The following ABTB2 variants were observed in gnomAD, a reference collection of about 807,000 sequenced individuals.
ABTB2 encodes ankyrin repeat and BTB domain containing 2, also known as ankyrin repeat and BTB/POZ domain-containing protein 2.
In ABTB2, 56 loss-of-function variants were observed where a neutral mutation model predicts 104.1. The observed-to-expected ratio is 0.54, with a 90% CI of 0.43 to 0.67. ABTB2 has a LOEUF of 0.67. Ranked by LOEUF, ABTB2 falls within the 30% of genes least tolerant of loss-of-function variation. The probability of loss-of-function intolerance (pLI) is 0.00; values close to 1 mark genes in which losing one functional copy is unlikely to be tolerated. For missense variants in ABTB2, 1,279 were observed against 1,407.7 expected, an observed-to-expected ratio of 0.91 and a Z score of 1.46; for synonymous variants, 606 against 608.2, an observed-to-expected ratio of 1.00 and a Z score of 0.05.
chr11:34,269,627 G>A (rs964673173), intron 1 of ABTB2, among the ~76,000 whole-genome samples: 4 of 152,244 alleles, frequency 2.6e-5, no homozygotes, highest in Non-Finnish European at 4.4e-5. Flanking sequence ...GTCCCAACGA[G>A]CCTTCATGTG....
chr11:34,291,457 G>A (rs916367679), intron 1 of ABTB2, among the ~76,000 whole-genome samples: 3 of 152,142 alleles, frequency 2.0e-5, no homozygotes, highest in African/African-American at 7.2e-5. Flanking sequence ...TCGGCGTGGG[G>A]CACAGGACTG....
At chr11:34,191,427 A>T (rs1335298591) in intron 3 of ABTB2, among the ~76,000 whole-genome samples, 2 of 152,216 alleles carry the variant, frequency 1.3e-5, no homozygotes, top group African/African-American at 4.8e-5. Context: ...GTCTACCAGG[A>T]TCTCACCTGG....
At chr11:34,160,127 G>A in intron 12 of ABTB2, 119 bp from the exon 13 acceptor site, 2 of 1,262,056 alleles carry the variant, frequency 1.6e-6, no homozygotes, top group Non-Finnish European at 2.3e-6. Context: ...GAGGAACAGA[G>A]AAACTGAGGC....
intron 1 of ABTB2, among the ~76,000 whole-genome samples, chr11:34,234,755 C>T (rs1208678871): frequency 3.9e-5 from 6 of 152,184 alleles, no homozygotes; most frequent in African/African-American, 7.2e-5. Flanking sequence ...GCTACCTGCT[C>T]CTGCTTAACC....
intron 8 of ABTB2, 134 bp downstream of exon 8, chr11:34,165,126 A>T: frequency 1.2e-6 from 1 of 859,132 alleles, no homozygotes; most frequent in Non-Finnish European, 1.7e-6. Context: ...AGTGGTCCAG[A>T]GAAGGGGTTT....
intron 5 of ABTB2, among the ~76,000 whole-genome samples, chr11:34,170,308 G>A (rs957771632): frequency 3.3e-5 from 5 of 152,160 alleles, no homozygotes; most frequent in Non-Finnish European, 5.9e-5. Flanking sequence ...ACAATGCATC[G>A]AACATAGTAA....
intron 7 of ABTB2, 68 bp from the exon 8 acceptor site, chr11:34,165,424 G>C: frequency 7.3e-7 from 1 of 1,369,986 alleles, no homozygotes; most frequent in Non-Finnish European, 1.0e-6. Flanking sequence ...GGGCCAGGGT[G>C]CTTTCGGGGA....
At chr11:34,217,087 C>T (rs1025260666) in intron 1 of ABTB2, among the ~76,000 whole-genome samples, 5 of 152,222 alleles carry the variant, frequency 3.3e-5, no homozygotes, top group East Asian at 1.9e-4. Flanking sequence ...ACTAGTAGTA[C>T]GGAACTGCCT....
chr11:34,217,509 T>A (rs931187332), intron 1 of ABTB2, among the ~76,000 whole-genome samples: 8 of 152,240 alleles, frequency 5.3e-5, no homozygotes, highest in Non-Finnish European at 8.8e-5. Context: ...TCACCCAGGC[T>A]GGAGTGCAGT....
intron 1 of ABTB2, among the ~76,000 whole-genome samples, chr11:34,220,529 G>A (rs1427492794): frequency 6.6e-6 from 1 of 152,198 alleles, no homozygotes; most frequent in Non-Finnish European, 1.5e-5. Context: ...AGAAGGTGCA[G>A]CAGCAGCCAC....
intron 3 of ABTB2, among the ~76,000 whole-genome samples, chr11:34,192,764 G>T (rs1271762307): frequency 6.6e-6 from 1 of 152,224 alleles, no homozygotes; most frequent in South Asian, 2.1e-4. Flanking sequence ...CACAGTAGAT[G>T]CAGTCTGGAA....
At chr11:34,219,988 G>C (rs764252459) in intron 1 of ABTB2, among the ~76,000 whole-genome samples, 2 of 152,184 alleles carry the variant, frequency 1.3e-5, no homozygotes, top group Admixed American at 6.5e-5. Flanking sequence ...GAACTCCAAA[G>C]GGATTTTACA....
intron 1 of ABTB2, among the ~76,000 whole-genome samples, chr11:34,316,327 G>A (rs1052450706): frequency 7.9e-5 from 12 of 152,162 alleles, no homozygotes; most frequent in Non-Finnish European, 1.6e-4. Flanking sequence ...TCAGCAAACT[G>A]GGGCTCTCTG....
chr11:34,154,844 C>A lies in ABTB2; in HGVS notation c.2698-75G>T. 1 of 1,458,582 alleles carries A rather than the reference C, an allele frequency of 6.9e-7. No homozygotes were observed. The highest frequency in any genetic ancestry group is 1.2e-5 in the South Asian group (1 of 84,666). The allele number at this position is 1,458,582 out of a possible 1,614,324, so 90.4% of individuals were successfully genotyped here. On this transcript the variant is annotated intron_variant, in intron 14 of 16. Transcript: ENST00000435224. The surrounding 1 kb of genome is among the most constrained non-coding windows in gnomAD (Gnocchi z 4.9). The stretch of plus-strand genomic sequence containing the variant: ...AAGTCCTTGCCAGCCCCACAGGGTA[C>A]TGCTCCAGCTGCCGCCTCCAGGGGC...
In ABTB2 at chr11:34,356,296, G is replaced by A. The variant is rs1358037200; in HGVS notation, c.883+405C>T. ...CTGCTATTGAGCTGGGGAAAACTAG[G>A]GGGCAGAATCAGTCAATCTAACCAG... is the stretch of plus-strand genomic sequence containing the variant. On this transcript the variant is annotated intron_variant, in intron 1 of 16. Coordinates refer to ENST00000435224, the MANE Select transcript of ABTB2 (RefSeq NM_145804.3). The surrounding 1 kb of genome is among the most constrained non-coding windows in gnomAD (Gnocchi z 4.6). Among the ~76,000 whole-genome samples, 1 of 152,160 alleles carries A rather than the reference G, an allele frequency of 6.6e-6. No homozygotes were observed. Among genetic ancestry groups the A allele is most frequent in the Non-Finnish European group, 1.5e-5 (1 of 68,040 alleles).
intron 1 of ABTB2, among the ~76,000 whole-genome samples, chr11:34,240,180 C>G (rs747934662): frequency 5.9e-5 from 9 of 152,230 alleles, no homozygotes; most frequent in African/African-American, 1.9e-4. Context: ...TGCATTCCCC[C>G]CACTGCCCTC....
intron 1 of ABTB2, among the ~76,000 whole-genome samples, chr11:34,327,267 T>C (rs1564933289): frequency 1.3e-5 from 2 of 152,178 alleles, no homozygotes; most frequent in Non-Finnish European, 2.9e-5. Context: ...TAATATCAGA[T>C]AAAGTAGACT....
At chr11:34,248,840 GC>G (rs559910859) in intron 1 of ABTB2, among the ~76,000 whole-genome samples, 1 of 152,154 alleles carries the variant, frequency 6.6e-6, no homozygotes, top group Non-Finnish European at 1.5e-5. Flanking sequence ...CTGCATAAAG[GC>G]ATACCACAGC....
At chr11:34,206,529 C>T (rs1413112872) in intron 1 of ABTB2, among the ~76,000 whole-genome samples, 3 of 152,176 alleles carry the variant, frequency 2.0e-5, no homozygotes, top group African/African-American at 7.2e-5. Context: ...GGACTGGTTC[C>T]ACAATGCATA....
Sources: allele counts gnomAD v4.1 joint callset (sites outside exome capture counted in the v4.1 genomes callset), GRCh38; gene constraint gnomAD v4.1.1; non-coding constraint Gnocchi (gnomAD v3.1); transcripts MANE v1.5; gene names NCBI Gene and HGNC (gene_info 2026-07-23, HGNC 2026-07-21).